Variants in PPT2 observed in about 807,000 individuals in gnomAD.
PPT2 encodes palmitoyl-protein thioesterase 2.
Under a neutral mutation model 37.3 loss-of-function variants are expected in PPT2, and 20 were observed. That is an observed-to-expected ratio of 0.54 (90% CI 0.38 to 0.78). The LOEUF is 0.78. Ranked by LOEUF, PPT2 falls within the 30% of genes least tolerant of loss-of-function variation. PPT2 has a pLI of 0.00. For synonymous variants in PPT2, 135 were observed against 159.1 expected, an observed-to-expected ratio of 0.85 and a Z score of 1.14; for missense variants, 270 against 389.8, an observed-to-expected ratio of 0.69 and a Z score of 2.59.
At chr6:32,158,192 T>G in intron 7 of PPT2, 3 of 431,046 alleles carry the variant, frequency 7.0e-6, no homozygotes, top group East Asian at 3.6e-5. Flanking sequence ...GAAATTCTTA[T>G]AGATTCATAG....
At position 32,154,907 on chromosome 6, in the gene PPT2, A is replaced by C. The variant is rs1783648779; in HGVS notation, c.184-123A>C. 1 of 1,527,154 alleles carries C rather than the reference A, an allele frequency of 6.5e-7. No individual in the cohort carries two copies. Among genetic ancestry groups the C allele is most frequent in the African/African-American group, 1.4e-5 (1 of 72,800 alleles). 94.6% of individuals were successfully genotyped at this position (1,527,154 alleles called of 1,614,324 possible). ...CAGGGAGCTGGTGCTGGCGTGGGGG[A>C]GAGTTGGGGGACGGGATCCCTGGTT... is the stretch of plus-strand genomic sequence containing the variant. On this transcript the variant is annotated intron_variant, in intron 2 of 8. Transcript: ENST00000324816. This position sits in a 1 kb window ranked among gnomAD's most constrained non-coding sequence, Gnocchi z 7.3.
chr6:32,155,596 G>A lies in PPT2; in HGVS notation c.338-92G>A. The A allele has an allele frequency of 1.3e-6, 1 of 788,918 alleles. No homozygotes were observed. Among genetic ancestry groups the A allele is most frequent in the Non-Finnish European group, 2.2e-6 (1 of 464,416 alleles). 48.9% of individuals were successfully genotyped at this position (788,918 alleles called of 1,614,324 possible). A position where few individuals can be genotyped will look rare whatever the true frequency, so the allele number is the denominator to read the frequency against. On this transcript the variant is annotated intron_variant, in intron 3 of 8. Transcript: ENST00000324816. The surrounding 1 kb of genome is among the most constrained non-coding windows in gnomAD (Gnocchi z 4.3). ...TCTGTGTGTGTCTCTGTGTGTGTGT[G>A]TGTGTGTGTGTGTGTGTGTGTGGTG...
intron 7 of PPT2, among the ~76,000 whole-genome samples, chr6:32,159,472 A>ATCTATATATC (rs41315423): frequency 7.8e-6 from 1 of 127,496 alleles, no homozygotes; most frequent in African/African-American, 3.0e-5. Flanking sequence ...ATATATATAT[A>ATCTATATATC]TCCTCATCCC....
chr6:32,154,876 G>T lies in PPT2; in HGVS notation c.183+99G>T. ...AAAGCCACCCCTCTGGGCCTGCCCA[G>T]TTCCTCAGGGAGCTGGTGCTGGCGT... On this transcript the variant is annotated intron_variant, in intron 2 of 8. Transcript: ENST00000324816. The surrounding 1 kb of genome is among the most constrained non-coding windows in gnomAD (Gnocchi z 7.3). 1 of 1,529,514 alleles carries T rather than the reference G, an allele frequency of 6.5e-7. No homozygotes were observed. The highest frequency in any genetic ancestry group is 8.9e-7 in the Non-Finnish European group (1 of 1,125,562). The allele number at this position is 1,529,514 out of a possible 1,614,324, so 94.7% of individuals were successfully genotyped here.
intron 7 of PPT2, among the ~76,000 whole-genome samples, chr6:32,160,695 CCTTT>C (rs1214675374): frequency 6.6e-6 from 1 of 151,430 alleles, no homozygotes; most frequent in Non-Finnish European, 1.5e-5. Context: ...GATTTTAAGA[CCTTT>C]CTATTTTGAA....
At chr6:32,158,529 CATT>C (rs1386758416) in intron 7 of PPT2, among the ~76,000 whole-genome samples, 4 of 152,144 alleles carry the variant, frequency 2.6e-5, no homozygotes, top group Non-Finnish European at 4.4e-5. Context: ...ATTTATTCAA[CATT>C]ATGGGCGCAG....
In PPT2 at chr6:32,162,516, G is replaced by T. The variant is rs925899466; in HGVS notation, c.711-52G>T. The T allele has an allele frequency of 2.2e-5, 34 of 1,540,300 alleles. No homozygotes were observed. Among genetic ancestry groups the T allele is most frequent in the South Asian group, 3.4e-5 (3 of 89,532 alleles). On this transcript the variant is annotated intron_variant, in intron 7 of 8. Coordinates refer to ENST00000324816, the MANE Select transcript of PPT2 (RefSeq NM_005155.7). This position sits in a 1 kb window ranked among gnomAD's most constrained non-coding sequence, Gnocchi z 5.5. ...ATTACAGGCGTGTGCCACTGCGCCCGGCCAGATTTTCTCCAGCTCTTCTGA... is the reference window on the plus strand; with the variant it reads ...ATTACAGGCGTGTGCCACTGCGCCCTGCCAGATTTTCTCCAGCTCTTCTGA...
At position 32,157,682 on chromosome 6, in the gene PPT2, C is replaced by T; in HGVS notation, c.587C>T (p.Ala196Val). Residue 196 changes from alanine (A) to valine (V), a missense_variant, in exon 6 of 9, where the codon GCC (alanine) becomes GTC (valine). Transcript: ENST00000324816. ...TACCTCAATGCCAGCAGCTTCCTGGCCCTGATCAATGGGGAAAGAGACCAT... is the reference window on the plus strand; with the variant it reads ...TACCTCAATGCCAGCAGCTTCCTGGTCCTGATCAATGGGGAAAGAGACCAT... ...DLYLNASSFLALINGERDHPN... is the reference protein window; with the variant it reads ...DLYLNASSFLVLINGERDHPN... 1 of 1,605,316 alleles carries T rather than the reference C, an allele frequency of 6.2e-7. No individual in the cohort carries two copies. The highest frequency in any genetic ancestry group is 2.2e-5 in the East Asian group (1 of 44,854).
chr6:32,157,392 T>C (rs577648038), intron 5 of PPT2: 18 of 557,648 alleles, frequency 3.2e-5, no homozygotes, highest in African/African-American at 7.5e-5. Context: ...TTTGTATTTT[T>C]AGTAGAGACA....
At chr6:32,153,721 C>T, upstream of PPT2, 1 of 1,470,090 alleles carries the variant, frequency 6.8e-7, no homozygotes, top group Non-Finnish European at 9.2e-7. The surrounding 1 kb of genome is among the most constrained non-coding windows in gnomAD (Gnocchi z 4.4). Flanking sequence ...GCCCTCCAGG[C>T]CACCCTGCCA....
In PPT2 at chr6:32,162,709, A is replaced by G. The variant is rs1784242360; in HGVS notation, c.765+87A>G. On this transcript the variant is annotated intron_variant, in intron 8 of 8. Transcript: ENST00000324816. This position sits in a 1 kb window ranked among gnomAD's most constrained non-coding sequence, Gnocchi z 5.5. Reference sequence around the variant, plus strand: ...CTGTGACTCCTGAGCTGAAGGGTTCACCCTGTGGGGAGGAGGTCCAGGATC... The same window carrying G: ...CTGTGACTCCTGAGCTGAAGGGTTCGCCCTGTGGGGAGGAGGTCCAGGATC... The G allele has an allele frequency of 1.9e-6, 3 of 1,577,910 alleles. No homozygotes were observed. Among genetic ancestry groups the G allele is most frequent in the South Asian group, 2.2e-5 (2 of 90,234 alleles).
intron 7 of PPT2, among the ~76,000 whole-genome samples, chr6:32,160,969 CAG>C (rs968872434): frequency 7.1e-6 from 1 of 141,760 alleles, no homozygotes; most frequent in African/African-American, 2.6e-5. Context: ...GCCTGGGTGA[CAG>C]AGTAAGACCC....
In PPT2 at chr6:32,163,141, G is replaced by T. The variant is rs886171619; in HGVS notation, c.*191G>T. The stretch of plus-strand genomic sequence containing the variant: ...CCCCTTCCTCTGCTCCTCCATGAAT[G>T]ACAATTCCAGGCCTCCCCTACCTCA... On this transcript the variant is annotated 3_prime_UTR_variant, in exon 9 of 9. Transcript: ENST00000324816. The T allele has an allele frequency of 8.0e-6, 5 of 624,952 alleles. No homozygotes were observed. The highest frequency in any genetic ancestry group is 1.4e-5 in the Non-Finnish European group (5 of 368,240). The allele number at this position is 624,952 out of a possible 1,614,324, so 38.7% of individuals were successfully genotyped here. A position where few individuals can be genotyped will look rare whatever the true frequency, so the allele number is the denominator to read the frequency against.
Position 32,162,788 on chromosome 6 carries a change from C to T in PPT2, c.766-19C>T. The T allele has an allele frequency of 1.2e-6, 2 of 1,611,844 alleles. No homozygotes were observed. Among genetic ancestry groups the T allele is most frequent in the Non-Finnish European group, 1.7e-6 (2 of 1,178,910 alleles). On this transcript the variant is annotated intron_variant, in intron 8 of 8. Transcript: ENST00000324816. The surrounding 1 kb of genome is among the most constrained non-coding windows in gnomAD (Gnocchi z 5.5). ...GTGTCTCTCTTCCATGCTTCCACGC[C>T]CCTTCGACCACCTTGAAGGTTTATC...
chr6:32,154,419 T>TG lies in PPT2; in HGVS notation c.-9+22dup, dbSNP rs937644020. 1.4e-4 allele frequency: 206 copies of TG among 1,451,634 alleles called. No individual in the cohort carries two copies. The highest frequency in any genetic ancestry group is 1.3e-3 in the African/African-American group (91 of 70,230). The allele number at this position is 1,451,634 out of a possible 1,614,324, so 89.9% of individuals were successfully genotyped here. ...GGTGCGCGTTGGTGCGTCAACGTGG[T>TG]GGGGGGGTGTGTTTGTAGGGAGAGG... On this transcript the variant is annotated intron_variant, in intron 1 of 8. Transcript: ENST00000324816. This position sits in a 1 kb window ranked among gnomAD's most constrained non-coding sequence, Gnocchi z 7.3.
rs1229993104 is a variant in PPT2, at chr6:32,157,829, C to T, written c.626-11C>T. 6.2e-7 allele frequency: 1 copy of T among 1,611,134 alleles called. No individual in the cohort carries two copies. Among genetic ancestry groups the T allele is most frequent in the Non-Finnish European group, 8.5e-7 (1 of 1,178,288 alleles). ...GTGGCTGACTCAGCCTCTCTTCTTC[C>T]CATCCTACAGTATGGCGGAAGAACT... On this transcript the variant is annotated splice_polypyrimidine_tract_variant and intron_variant, in intron 6 of 8. Coordinates refer to ENST00000324816, the MANE Select transcript of PPT2 (RefSeq NM_005155.7).
rs758537442 is a variant in PPT2, at chr6:32,157,932, G to C, written c.710+8G>C. 12 of 1,599,384 alleles carry C rather than the reference G, an allele frequency of 7.5e-6. No homozygotes were observed. The African/African-American group carries it at 1.5e-4, about 20-fold the overall frequency. On this transcript the variant is annotated splice_region_variant and intron_variant, in intron 7 of 8. Transcript: ENST00000324816. ...TACTCCCTGGCAGTCCAGGTAATAA[G>C]GGATTTTGTGGCCTGAAGATTGGCT...
Position 32,163,093 on chromosome 6 carries a change from G to A in PPT2, c.*143G>A. On this transcript the variant is annotated 3_prime_UTR_variant, in exon 9 of 9. Coordinates refer to ENST00000324816, the MANE Select transcript of PPT2 (RefSeq NM_005155.7). ...CATTTTTAGTAGAGACGGGGTTTTA[G>A]TAGAGACTTGGCCTCCCAGAACCCC... is the stretch of plus-strand genomic sequence containing the variant. 2.0e-6 allele frequency: 2 copies of A among 1,022,090 alleles called. No individual in the cohort carries two copies. Among genetic ancestry groups the A allele is most frequent in the Non-Finnish European group, 2.8e-6 (2 of 706,226 alleles). The allele number at this position is 1,022,090 out of a possible 1,614,324, so 63.3% of individuals were successfully genotyped here.
At chr6:32,159,743 C>T (rs1784029622) in intron 7 of PPT2, among the ~76,000 whole-genome samples, 1 of 143,904 alleles carries the variant, frequency 6.9e-6, no homozygotes. Context: ...TTTTTTGAGA[C>T]AGAGTTTTGT....
Sources: allele counts gnomAD v4.1 joint callset (sites outside exome capture counted in the v4.1 genomes callset), GRCh38; gene constraint gnomAD v4.1.1; non-coding constraint Gnocchi (gnomAD v3.1); transcripts MANE v1.5; gene names NCBI Gene and HGNC (gene_info 2026-07-23, HGNC 2026-07-21).